Variants in STAU2 observed in about 807,000 individuals in gnomAD.
STAU2 encodes staufen double-stranded RNA binding protein 2, also known as double-stranded RNA-binding protein Staufen homolog 2.
Under a neutral mutation model 65.9 loss-of-function variants are expected in STAU2, and 20 were observed. That is an observed-to-expected ratio of 0.30 (90% CI 0.21 to 0.44). The LOEUF is 0.44. STAU2 is among the 20% of genes least tolerant of loss of function. The pLI, the probability that STAU2 is intolerant of heterozygous loss-of-function variation, is 1.00. For synonymous variants in STAU2, 232 were observed against 233.9 expected (o/e 0.99, Z 0.07); for missense variants, 558 against 683.9 (o/e 0.82, Z 2.05).
At chr8:73,710,376 C>CTT (rs11389924) in intron 3 of STAU2, among the ~76,000 whole-genome samples, 15 of 133,646 alleles carry the variant, frequency 1.1e-4, no homozygotes, top group Admixed American at 2.2e-4. Flanking sequence ...GGCTTCTATC[C>CTT]TTTTTTTTTT....
chr8:73,436,162 G>C (rs1338915930), intron 13 of STAU2, among the ~76,000 whole-genome samples: 1 of 151,848 alleles, frequency 6.6e-6, no homozygotes, highest in Admixed American at 6.6e-5. Flanking sequence ...ATTGCATGTG[G>C]GAGGGCTGGG....
At chr8:73,663,867 T>C (rs1007709436) in intron 6 of STAU2, among the ~76,000 whole-genome samples, 1 of 152,210 alleles carries the variant, frequency 6.6e-6, no homozygotes, top group East Asian at 1.9e-4. Context: ...GATTTTTGTA[T>C]ACTAACCTTG....
intron 6 of STAU2, among the ~76,000 whole-genome samples, chr8:73,619,801 C>T (rs1005007523): frequency 1.4e-4 from 21 of 151,866 alleles, no homozygotes; most frequent in Admixed American, 2.0e-4. Flanking sequence ...AGAAAAATTA[C>T]AACACAATGT....
intron 13 of STAU2, among the ~76,000 whole-genome samples, chr8:73,504,351 A>G (rs1288208897): frequency 6.6e-6 from 1 of 152,174 alleles, no homozygotes; most frequent in Admixed American, 6.6e-5. Context: ...ATCAATGACC[A>G]CAGTCATTTT....
chr8:73,632,429 C>A (rs941939243), intron 6 of STAU2, among the ~76,000 whole-genome samples: 2 of 152,050 alleles, frequency 1.3e-5, no homozygotes, highest in African/African-American at 4.8e-5. Flanking sequence ...AATCTGAGAC[C>A]CACATGGGAG....
intron 13 of STAU2, among the ~76,000 whole-genome samples, chr8:73,529,396 C>A (rs935610755): frequency 3.9e-5 from 6 of 152,110 alleles, no homozygotes; most frequent in African/African-American, 7.2e-5. Flanking sequence ...ATAAAACATG[C>A]TCTTTTAAAA....
chr8:73,717,272 A>G (rs1821314264), intron 3 of STAU2, among the ~76,000 whole-genome samples: 2 of 152,174 alleles, frequency 1.3e-5, no homozygotes, highest in African/African-American at 4.8e-5. Flanking sequence ...TTTAAAGAGC[A>G]GATTTTAATA....
At chr8:73,603,400 T>C (rs1811782487) in intron 10 of STAU2, among the ~76,000 whole-genome samples, 1 of 152,182 alleles carries the variant, frequency 6.6e-6, no homozygotes, top group African/African-American at 2.4e-5. Flanking sequence ...TCTAATTCCA[T>C]GTGTCTCCAA....
chr8:73,491,030 G>A (rs1362002132), intron 13 of STAU2, among the ~76,000 whole-genome samples: 1 of 151,788 alleles, frequency 6.6e-6, no homozygotes, highest in African/African-American at 2.4e-5. Context: ...TCAAATCCTC[G>A]GCAGTAAAAC....
At chr8:73,580,949 C>T (rs562821025) in intron 12 of STAU2, among the ~76,000 whole-genome samples, 10 of 152,248 alleles carry the variant, frequency 6.6e-5, no homozygotes, top group Non-Finnish European at 7.4e-5. Context: ...AAGCATTAAC[C>T]GTCTGGTTAA....
intron 6 of STAU2, among the ~76,000 whole-genome samples, chr8:73,645,435 A>G (rs529335378): frequency 6.6e-6 from 1 of 152,326 alleles, no homozygotes; most frequent in African/African-American, 2.4e-5. Flanking sequence ...GAAGAAGAAC[A>G]TGTCCAGTTG....
At chr8:73,516,327 C>CAGA (rs10695259) in intron 13 of STAU2, among the ~76,000 whole-genome samples, 9,771 of 151,806 alleles carry the variant, frequency 0.064, 801 homozygotes, top group African/African-American at 0.19. Flanking sequence ...TGGAGGGTAA[C>CAGA]AGAAGACATT....
At chr8:73,577,598 A>G (rs559911676) in intron 12 of STAU2, among the ~76,000 whole-genome samples, 2 of 152,108 alleles carry the variant, frequency 1.3e-5, no homozygotes, top group South Asian at 2.1e-4. Context: ...AAACTAATCT[A>G]TTTTTCCGTA....
intron 13 of STAU2, among the ~76,000 whole-genome samples, chr8:73,451,719 T>C (rs2128895357): frequency 6.6e-6 from 1 of 152,144 alleles, no homozygotes; most frequent in East Asian, 1.9e-4. Flanking sequence ...CAAGGGCTGT[T>C]TGTGCAGCTG....
chr8:73,488,161 T>C (rs1821007041), intron 13 of STAU2, among the ~76,000 whole-genome samples: 1 of 152,108 alleles, frequency 6.6e-6, no homozygotes, highest in Non-Finnish European at 1.5e-5. Flanking sequence ...TTGTACTCTT[T>C]TACAGAGTAG....
intron 12 of STAU2, among the ~76,000 whole-genome samples, chr8:73,573,293 G>A (rs1809252448): frequency 6.6e-6 from 1 of 152,226 alleles, no homozygotes; most frequent in Non-Finnish European, 1.5e-5. Flanking sequence ...CTCATGGATA[G>A]GAAGAATCAA....
At chr8:73,480,933 C>T (rs1251239285) in intron 13 of STAU2, among the ~76,000 whole-genome samples, 1 of 152,112 alleles carries the variant, frequency 6.6e-6, no homozygotes, top group African/African-American at 2.4e-5. Context: ...GCCATACTTG[C>T]TGCCACATTC....
intron 13 of STAU2, among the ~76,000 whole-genome samples, chr8:73,468,068 T>A (rs1819757703): frequency 6.6e-6 from 1 of 152,180 alleles, no homozygotes; most frequent in African/African-American, 2.4e-5. Context: ...ACTACAAGGC[T>A]ACAGTAACCA....
chr8:73,662,173 G>C (rs953059293), intron 6 of STAU2, among the ~76,000 whole-genome samples: 1 of 152,040 alleles, frequency 6.6e-6, no homozygotes, highest in Middle Eastern at 3.2e-3. Context: ...CTTTTCATGT[G>C]TTTATTAGCC....
Sources: gnomAD v4.1 joint callset for allele counts (sites outside exome capture counted in the v4.1 genomes callset) on GRCh38, gnomAD v4.1.1 for gene constraint, MANE v1.5 for transcripts, NCBI Gene and HGNC (gene_info 2026-07-23, HGNC 2026-07-21) for gene names.